Variants in FAM222B observed in about 807,000 individuals in gnomAD.
The protein encoded by FAM222B is family with sequence similarity 222 member B.
FAM222B carries 12 observed loss-of-function variants against 38.0 expected under a neutral mutation model. That is an observed-to-expected ratio of 0.32 (90% CI 0.20 to 0.51). The LOEUF (loss-of-function observed/expected upper bound fraction) is 0.51, where lower values mean the gene tolerates loss of function less well. Among genes scored for constraint, FAM222B ranks in the 20% least tolerant of loss-of-function variants. FAM222B has a pLI of 0.97. For missense variants in FAM222B, 716 were observed against 754.2 expected (o/e 0.95, Z 0.59); for synonymous variants, 329 against 317.2 (o/e 1.04, Z -0.40).
At chr17:28,799,264 C>T (rs957503257) in intron 1 of FAM222B, among the ~76,000 whole-genome samples, 4 of 149,496 alleles carry the variant, frequency 2.7e-5, no homozygotes, top group East Asian at 2.0e-4. Context: ...TGAGCCACCG[C>T]GACTGGCCTC....
chr17:28,779,925 T>C (rs1370114030), intron 1 of FAM222B, among the ~76,000 whole-genome samples: 2 of 151,620 alleles, frequency 1.3e-5, no homozygotes, highest in Non-Finnish European at 2.9e-5. Flanking sequence ...GGTGGACAGC[T>C]GAATGCTTTT....
At chr17:28,824,550 C>T (rs992719601) in intron 1 of FAM222B, among the ~76,000 whole-genome samples, 1 of 152,066 alleles carries the variant, frequency 6.6e-6, no homozygotes, top group African/African-American at 2.4e-5. Context: ...CATTTACCTC[C>T]CTGGTTGCTC....
rs770484496 is a variant in FAM222B at position 28,758,384 on chromosome 17, G to A, written c.1575C>T (p.Cys525=). The A allele has an allele frequency of 1.2e-6, 2 of 1,613,940 alleles. No homozygotes were observed. Among genetic ancestry groups the A allele is most frequent in the East Asian group, 4.5e-5 (2 of 44,870 alleles). ...DYLSGDFQQA[C]FREQSLAMLS... ...GCATGGCCAGGCTCTGTTCTCGGAA[G>A]CAGGCCTGTTGGAAATCCCCACTTA... Residue 525 remains cysteine (C), a synonymous_variant, in exon 3 of 3, where the codon TGC becomes TGT. Transcript: ENST00000581407.
At position 28,804,261 on chromosome 17, in the gene FAM222B, A is replaced by G. The variant is rs568828997; in HGVS notation, c.-40-37554T>C. ...CATATTGTGGAACTTCTCAGCCTCC[A>G]TAACTAAATGAGCCAAGTCCTAATC... is the stretch of plus-strand genomic sequence containing the variant. On this transcript the variant is annotated intron_variant, in intron 1 of 2. Transcript: ENST00000581407. Among the ~76,000 whole-genome samples, 3 of 152,108 alleles carry G rather than the reference A, an allele frequency of 2.0e-5. No homozygotes were observed. The East Asian group carries it at 5.8e-4, about 29-fold the overall frequency.
upstream of FAM222B, among the ~76,000 whole-genome samples, chr17:28,846,522 A>C (rs1404979389): frequency 6.6e-6 from 1 of 151,954 alleles, no homozygotes; most frequent in Non-Finnish European, 1.5e-5. Flanking sequence ...CCAAAAAATT[A>C]GCCGGGTGTG....
At chr17:28,854,361 C>T (rs1260082915) in intron 1 of FAM222B, among the ~76,000 whole-genome samples, 3 of 152,178 alleles carry the variant, frequency 2.0e-5, no homozygotes, top group African/African-American at 7.2e-5. Flanking sequence ...CCTTAGGTGG[C>T]TAAGCCACTT....
intron 1 of FAM222B, among the ~76,000 whole-genome samples, chr17:28,778,683 G>T (rs866586645): frequency 0.026 from 1,414 of 54,512 alleles, 32 homozygotes; most frequent in Middle Eastern, 0.062. Flanking sequence ...TTTTTTTTGT[G>T]TGTGTGTGTG....
intron 1 of FAM222B, among the ~76,000 whole-genome samples, chr17:28,778,719 A>AT (rs59098589): frequency 7.5e-4 from 19 of 25,496 alleles, no homozygotes; most frequent in African/African-American, 2.6e-3. Context: ...ATATATATAT[A>AT]TTTTTTTTTT....
intron 1 of FAM222B, among the ~76,000 whole-genome samples, chr17:28,779,901 ACAT>A (rs1164048680): frequency 3.3e-5 from 5 of 152,308 alleles, no homozygotes; most frequent in African/African-American, 1.2e-4. Flanking sequence ...ACTTCAGCTA[ACAT>A]CATACTCAAC....
At chr17:28,814,200 A>G (rs2037927890) in intron 1 of FAM222B, among the ~76,000 whole-genome samples, 1 of 152,014 alleles carries the variant, frequency 6.6e-6, no homozygotes, top group Non-Finnish European at 1.5e-5. Flanking sequence ...AAGAAAAGAA[A>G]AAGAAAACGG....
intron 1 of FAM222B, among the ~76,000 whole-genome samples, chr17:28,840,676 G>A (rs1166907519): frequency 6.6e-6 from 1 of 151,984 alleles, no homozygotes. Flanking sequence ...AATAAAATGG[G>A]CCAAGCACGG....
At chr17:28,778,697 GTATATA>G (rs1204895077) in intron 1 of FAM222B, among the ~76,000 whole-genome samples, 3 of 45,346 alleles carry the variant, frequency 6.6e-5, no homozygotes, top group Admixed American at 3.4e-4. Context: ...GTGTGTGTGT[GTATATA>G]TATATATATA....
Position 28,758,156 on chromosome 17 carries a change from A to ATCT in FAM222B, c.*111_*113dup. 6.4e-6 allele frequency: 6 copies of ATCT among 943,620 alleles called. No homozygotes were observed. The highest frequency in any genetic ancestry group is 9.4e-6 in the Non-Finnish European group (6 of 636,802). 58.5% of individuals were successfully genotyped at this position (943,620 alleles called of 1,614,324 possible). On this transcript the variant is annotated 3_prime_UTR_variant, in exon 3 of 3. Coordinates refer to ENST00000581407, the MANE Select transcript of FAM222B (RefSeq NM_001077498.3). ...TCCCACCAAATTCCCTTTCTTAGAC[A>ATCT]TCTAAGAATGATCACACTGGAGCAG...
chr17:28,811,598 A>C (rs1430686565), intron 1 of FAM222B, among the ~76,000 whole-genome samples: 2 of 152,222 alleles, frequency 1.3e-5, no homozygotes, highest in African/African-American at 2.4e-5. Context: ...AAGACTTTTA[A>C]GTTTCAGCAA....
At chr17:28,766,272 T>C (rs980129997) in intron 2 of FAM222B, among the ~76,000 whole-genome samples, 4 of 151,950 alleles carry the variant, frequency 2.6e-5, no homozygotes, top group African/African-American at 7.3e-5. Context: ...CTGGCCAACA[T>C]GGTGAAACCC....
At chr17:28,834,675 T>C (rs2038777208) in intron 1 of FAM222B, 1 of 152,112 alleles carries the variant, frequency 6.6e-6, no homozygotes, top group Non-Finnish European at 1.5e-5. Flanking sequence ...ACAGCACTTA[T>C]TGTACTGACT....
At chr17:28,815,746 C>T (rs927868445) in intron 1 of FAM222B, among the ~76,000 whole-genome samples, 6 of 151,948 alleles carry the variant, frequency 3.9e-5, no homozygotes, top group Non-Finnish European at 5.9e-5. Context: ...AGGCAGATCT[C>T]GAGGTCAGGA....
intron 1 of FAM222B, among the ~76,000 whole-genome samples, chr17:28,777,390 G>A (rs1230024692): frequency 2.0e-5 from 3 of 152,052 alleles, no homozygotes; most frequent in African/African-American, 7.2e-5. Flanking sequence ...GCTCTCTTTG[G>A]CAAGGATACT....
chr17:28,770,990 G>T (rs977936391), intron 1 of FAM222B, among the ~76,000 whole-genome samples: 2 of 150,670 alleles, frequency 1.3e-5, no homozygotes, highest in African/African-American at 4.9e-5. Flanking sequence ...ATATATATGT[G>T]TGTGTATATA....
Sources: allele counts gnomAD v4.1 joint callset (sites outside exome capture counted in the v4.1 genomes callset), GRCh38; gene constraint gnomAD v4.1.1; transcripts MANE v1.5; gene names NCBI Gene and HGNC (gene_info 2026-07-23, HGNC 2026-07-21).